RPSA2: variants seen among roughly 807,000 people sequenced by gnomAD.
The protein encoded by RPSA2 is ribosomal protein SA 2.
the RPSA2 span, among the ~76,000 whole-genome samples, chr19:23,759,633 C>T: frequency 2.2e-5 from 3 of 135,228 alleles, no homozygotes; most frequent in African/African-American, 8.2e-5. Flanking sequence ...AAGTGATTCT[C>T]TTGCCTCAGC....
chr19:23,790,187 C>T, the RPSA2 span, among the ~76,000 whole-genome samples: 4 of 151,922 alleles, frequency 2.6e-5, no homozygotes, highest in East Asian at 3.9e-4. Flanking sequence ...TTAGTACAGA[C>T]GGTGTTTCAC....
the RPSA2 span, among the ~76,000 whole-genome samples, chr19:23,775,717 CCAAGATTGAA>C: frequency 1.3e-5 from 2 of 152,176 alleles, no homozygotes; most frequent in African/African-American, 4.8e-5. Flanking sequence ...GACTTTCAGA[CCAAGATTGAA>C]CACACCTATT....
chr19:23,789,614 G>A, the RPSA2 span, among the ~76,000 whole-genome samples: 1 of 152,016 alleles, frequency 6.6e-6, no homozygotes, highest in Non-Finnish European at 1.5e-5. Flanking sequence ...TTTTTGCCAA[G>A]GTCCTAGAGA....
At chr19:23,831,303 C>T in the RPSA2 span, among the ~76,000 whole-genome samples, 2 of 152,182 alleles carry the variant, frequency 1.3e-5, no homozygotes, top group East Asian at 1.9e-4. Context: ...TCTGAAGGTA[C>T]TACGTTATAG....
the RPSA2 span, among the ~76,000 whole-genome samples, chr19:23,802,522 C>A: frequency 1.3e-5 from 2 of 152,206 alleles, no homozygotes; most frequent in African/African-American, 4.8e-5. Context: ...ACAATTGTGT[C>A]AGGCTGACAA....
the RPSA2 span, among the ~76,000 whole-genome samples, chr19:23,852,425 T>G: frequency 6.6e-6 from 1 of 152,172 alleles, no homozygotes. Context: ...CTGACAGCCC[T>G]GGACAGAGAT....
At chr19:23,832,820 G>T in the RPSA2 span, 3 of 1,576,890 alleles carry the variant, frequency 1.9e-6, no homozygotes, top group African/African-American at 1.3e-5. Flanking sequence ...GAAGAATGTG[G>T]CAAAGCTTTC....
chr19:23,802,649 C>T, the RPSA2 span, among the ~76,000 whole-genome samples: 2 of 151,958 alleles, frequency 1.3e-5, no homozygotes, highest in African/African-American at 4.8e-5. Flanking sequence ...TCTCTGGTTC[C>T]CTGGTACTTG....
chr19:23,772,389 G>T, the RPSA2 span, among the ~76,000 whole-genome samples: 61 of 152,154 alleles, frequency 4.0e-4, no homozygotes, highest in African/African-American at 1.2e-3. Flanking sequence ...GAAATCCCAG[G>T]TGATGTGACT....
the RPSA2 span, chr19:23,790,706 G>A: frequency 2.3e-6 from 1 of 429,734 alleles, no homozygotes; most frequent in South Asian, 2.5e-5. Context: ...CAGCCTGTGT[G>A]GCCCTGTGAC....
the RPSA2 span, among the ~76,000 whole-genome samples, chr19:23,871,023 G>A: frequency 6.6e-6 from 1 of 152,088 alleles, no homozygotes; most frequent in African/African-American, 2.4e-5. Context: ...TGTCATGCAG[G>A]CCTACACTAA....
the RPSA2 span, chr19:23,799,379 T>C: frequency 6.6e-6 from 1 of 152,234 alleles, no homozygotes; most frequent in African/African-American, 2.4e-5. Flanking sequence ...CAGTATATTT[T>C]CCATGTCACC....
the RPSA2 span, among the ~76,000 whole-genome samples, chr19:23,855,524 GTTTGTTTGT>G: frequency 2.0e-5 from 3 of 152,186 alleles, no homozygotes; most frequent in African/African-American, 4.8e-5. Context: ...TAATCCACTT[GTTTGTTTGT>G]TTTGGCATAA....
the RPSA2 span, among the ~76,000 whole-genome samples, chr19:23,863,480 C>T: frequency 3.4e-5 from 5 of 148,958 alleles, no homozygotes; most frequent in Admixed American, 6.8e-5. Flanking sequence ...AAGAGAATCG[C>T]TTGAACTCAG....
At chr19:23,817,076 T>G in the RPSA2 span, among the ~76,000 whole-genome samples, 3 of 152,244 alleles carry the variant, frequency 2.0e-5, no homozygotes, top group African/African-American at 7.2e-5. Context: ...TTTTTCAGTT[T>G]GTTATTAACA....
the RPSA2 span, among the ~76,000 whole-genome samples, chr19:23,774,851 C>A: frequency 6.6e-6 from 1 of 152,204 alleles, no homozygotes; most frequent in African/African-American, 2.4e-5. Context: ...TTTAACTCTT[C>A]TGCCTGGTGT....
the RPSA2 span, among the ~76,000 whole-genome samples, chr19:23,859,718 C>G: frequency 6.6e-6 from 1 of 152,172 alleles, no homozygotes; most frequent in Non-Finnish European, 1.5e-5. Context: ...AAGCTTTTGG[C>G]ATGCCCATTA....
chr19:23,822,659 G>A, the RPSA2 span, among the ~76,000 whole-genome samples: 1 of 152,140 alleles, frequency 6.6e-6, no homozygotes, highest in Admixed American at 6.5e-5. Context: ...ATTGAAGGTG[G>A]CCTGCTTGAT....
the RPSA2 span, among the ~76,000 whole-genome samples, chr19:23,775,966 A>T: frequency 2.6e-5 from 4 of 152,110 alleles, no homozygotes; most frequent in Non-Finnish European, 4.4e-5. Context: ...TAGTAATGTA[A>T]TTCTTCAGAA....
Sources: gnomAD v4.1 joint callset for allele counts (sites outside exome capture counted in the v4.1 genomes callset) on GRCh38, gnomAD v4.1.1 for gene constraint, MANE v1.5 for transcripts, NCBI Gene and HGNC (gene_info 2026-07-23, HGNC 2026-07-21) for gene names.